CALN1: variants seen among roughly 807,000 people sequenced by gnomAD.
The protein encoded by CALN1 is calcium-binding protein 8.
In CALN1, 17 loss-of-function variants were observed where a neutral mutation model predicts 30.6. The observed-to-expected ratio is 0.56, with a 90% CI of 0.38 to 0.83. CALN1 has a LOEUF of 0.83. CALN1 is among the 40% of genes least tolerant of loss of function. The pLI, the probability that CALN1 is intolerant of heterozygous loss-of-function variation, is 0.00. For missense variants in CALN1, 291 were observed against 354.9 expected, an observed-to-expected ratio of 0.82 and a Z score of 1.45; for synonymous variants, 156 against 131.4, an observed-to-expected ratio of 1.19 and a Z score of -1.28.
intron 1 of CALN1, among the ~76,000 whole-genome samples, chr7:72,431,377 C>G (rs1190109232): frequency 2.0e-5 from 3 of 152,116 alleles, no homozygotes; most frequent in African/African-American, 2.4e-5. Context: ...ATCTCTGCAC[C>G]CCAATCCTTT....
intron 4 of CALN1, among the ~76,000 whole-genome samples, chr7:72,099,927 T>C (rs1169916265): frequency 1.3e-5 from 2 of 152,146 alleles, no homozygotes; most frequent in Non-Finnish European, 2.9e-5. Context: ...GCAAATAAAC[T>C]GGTGAAACTT....
intron 3 of CALN1, among the ~76,000 whole-genome samples, chr7:72,166,658 G>A (rs2129545150): frequency 6.6e-6 from 1 of 152,338 alleles, no homozygotes; most frequent in South Asian, 2.1e-4. Flanking sequence ...ACAGAGTGGA[G>A]TGGCAAACGG....
chr7:72,409,214 T>TC (rs1443033476), intron 1 of CALN1, among the ~76,000 whole-genome samples: 5 of 151,116 alleles, frequency 3.3e-5, no homozygotes, highest in Admixed American at 2.0e-4. Context: ...CAGGCTGGTC[T>TC]CCAAGTCCTG....
the CALN1 span, among the ~76,000 whole-genome samples, chr7:72,475,400 A>C: frequency 6.6e-6 from 1 of 152,166 alleles, no homozygotes; most frequent in African/African-American, 2.4e-5. Context: ...CGGAGGTTGC[A>C]GTGAGCCGAG....
chr7:71,947,934 C>CAA (rs5884865), intron 5 of CALN1, among the ~76,000 whole-genome samples: 47,675 of 137,450 alleles, frequency 0.35, 8,485 homozygotes, highest in South Asian at 0.47. Flanking sequence ...GACTCCGTCT[C>CAA]AAAAAAAAAA....
At chr7:72,292,633 CA>C (rs1798565274) in intron 2 of CALN1, among the ~76,000 whole-genome samples, 1 of 151,224 alleles carries the variant, frequency 6.6e-6, no homozygotes, top group African/African-American at 2.4e-5. Flanking sequence ...CCAGCCTGGC[CA>C]ACATGGTGAA....
At chr7:71,798,079 CAG>C (rs1562787716) in intron 6 of CALN1, among the ~76,000 whole-genome samples, 1 of 93,806 alleles carries the variant, frequency 1.1e-5, no homozygotes, top group East Asian at 4.0e-4. Context: ...GAGAGAGAGA[CAG>C]AGAGAGACAG....
chr7:72,024,136 A>G (rs1405072601), intron 4 of CALN1, among the ~76,000 whole-genome samples: 3 of 152,156 alleles, frequency 2.0e-5, no homozygotes, highest in African/African-American at 7.2e-5. Context: ...CATCCTTGTC[A>G]CCCACATATA....
At chr7:72,052,765 G>C (rs1265366006) in intron 4 of CALN1, among the ~76,000 whole-genome samples, 2 of 152,232 alleles carry the variant, frequency 1.3e-5, no homozygotes, top group Non-Finnish European at 2.9e-5. Context: ...ACCAGAGACA[G>C]GGTGACTCAA....
intron 2 of CALN1, among the ~76,000 whole-genome samples, chr7:72,387,341 T>C (rs893381356): frequency 6.8e-6 from 1 of 146,096 alleles, no homozygotes; most frequent in African/African-American, 2.5e-5. Flanking sequence ...AATTCCATAA[T>C]TTATAGGTAA....
At chr7:72,489,359 A>T in the CALN1 span, among the ~76,000 whole-genome samples, 1 of 152,214 alleles carries the variant, frequency 6.6e-6, no homozygotes, top group South Asian at 2.1e-4. Flanking sequence ...TTCTTAGCAG[A>T]AGTAAGAAAG....
At chr7:72,164,077 G>A (rs1436617827) in intron 3 of CALN1, among the ~76,000 whole-genome samples, 1 of 152,124 alleles carries the variant, frequency 6.6e-6, no homozygotes, top group Non-Finnish European at 1.5e-5. Context: ...TTAAGAAGAT[G>A]GCCATATGGA....
At chr7:71,923,602 A>C (rs542801421) in intron 5 of CALN1, among the ~76,000 whole-genome samples, 1 of 152,238 alleles carries the variant, frequency 6.6e-6, no homozygotes, top group Admixed American at 6.5e-5. Context: ...TACCTAATTT[A>C]AATAAAGAGC....
chr7:71,963,260 T>G (rs1418710314), intron 5 of CALN1, among the ~76,000 whole-genome samples: 1 of 152,140 alleles, frequency 6.6e-6, no homozygotes, highest in African/African-American at 2.4e-5. Flanking sequence ...ACTCCCTGGT[T>G]CAAGCGATTC....
At chr7:72,071,586 T>C (rs918016605) in intron 4 of CALN1, among the ~76,000 whole-genome samples, 11 of 152,190 alleles carry the variant, frequency 7.2e-5, no homozygotes, top group African/African-American at 2.4e-4. Flanking sequence ...AAACTGATCG[T>C]TGGCCCAAAG....
chr7:72,317,050 GAA>G (rs1301756083), intron 2 of CALN1, among the ~76,000 whole-genome samples: 2 of 141,258 alleles, frequency 1.4e-5, no homozygotes, highest in African/African-American at 2.8e-5. Context: ...GAGAGAGAGA[GAA>G]AGAGAGAGAG....
intron 5 of CALN1, among the ~76,000 whole-genome samples, chr7:71,849,789 G>A (rs753360741): frequency 3.9e-5 from 6 of 152,132 alleles, no homozygotes; most frequent in East Asian, 1.9e-4. Flanking sequence ...GGCTATAGGC[G>A]CATGCCACCA....
At chr7:71,819,230 CAG>C (rs1788452659) in intron 5 of CALN1, among the ~76,000 whole-genome samples, 1 of 142,918 alleles carries the variant, frequency 7.0e-6, no homozygotes, top group African/African-American at 2.6e-5. Context: ...TTTTTTGAGA[CAG>C]GGTTTCACTC....
At chr7:71,928,725 T>C (rs1233303522) in intron 5 of CALN1, among the ~76,000 whole-genome samples, 3 of 152,080 alleles carry the variant, frequency 2.0e-5, no homozygotes, top group African/African-American at 4.8e-5. Context: ...AGAACACTTT[T>C]ATCGCCGCAA....
Sources: allele counts gnomAD v4.1 joint callset (sites outside exome capture counted in the v4.1 genomes callset), GRCh38; gene constraint gnomAD v4.1.1; transcripts MANE v1.5; gene names NCBI Gene and HGNC (gene_info 2026-07-23, HGNC 2026-07-21).